TGFBR3: variants seen among roughly 807,000 people sequenced by gnomAD.
TGFBR3 encodes transforming growth factor beta receptor type 3.
A neutral mutation model predicts 87.9 loss-of-function variants in TGFBR3; 46 were observed. The ratio of observed to expected loss-of-function variants is 0.52; its 90% CI spans 0.41 to 0.67. TGFBR3 has a LOEUF of 0.67. Ranked by LOEUF, TGFBR3 falls within the 30% of genes least tolerant of loss-of-function variation. The pLI, the probability that TGFBR3 is intolerant of heterozygous loss-of-function variation, is 0.00. For missense variants in TGFBR3, 866 were observed against 1,041.9 expected (o/e 0.83, Z 2.32); for synonymous variants, 381 against 391.6 (o/e 0.97, Z 0.32).
chr1:91,852,007 T>A (rs1310303736), intron 2 of TGFBR3, among the ~76,000 whole-genome samples: 1 of 152,194 alleles, frequency 6.6e-6, no homozygotes, highest in Non-Finnish European at 1.5e-5. Context: ...CCTAGCACTT[T>A]GGGAGGCCAA....
intron 3 of TGFBR3, among the ~76,000 whole-genome samples, chr1:91,770,036 T>C (rs1045912517): frequency 1.3e-5 from 2 of 152,206 alleles, no homozygotes; most frequent in African/African-American, 4.8e-5. Flanking sequence ...TTATGAAAGA[T>C]GCGCATCAAG....
intron 2 of TGFBR3, among the ~76,000 whole-genome samples, chr1:91,799,507 A>G (rs1675522817): frequency 6.6e-6 from 1 of 152,140 alleles, no homozygotes; most frequent in Admixed American, 6.5e-5. Flanking sequence ...TATACTTCAC[A>G]CCCAGAGCTT....
At position 91,805,768 on chromosome 1, in the gene TGFBR3, T is replaced by C. The variant is rs17884569; in HGVS notation, c.62-8297A>G. On this transcript the variant is annotated intron_variant, in intron 2 of 16. Transcript: ENST00000212355. ...ACCACACCACTAGGGGCCACACATCTTGTACATGTTTCTGATTCTCACAAT... is the reference window on the plus strand; with the variant it reads ...ACCACACCACTAGGGGCCACACATCCTGTACATGTTTCTGATTCTCACAAT... 4.6e-5 allele frequency among the ~76,000 whole-genome samples: 7 copies of C among 152,350 alleles called. No homozygotes were observed. In the East Asian group the frequency reaches 1.4e-3, roughly 29 times the overall value.
chr1:91,684,730 C>T (rs765365037), intron 16 of TGFBR3, among the ~76,000 whole-genome samples: 9 of 152,202 alleles, frequency 5.9e-5, no homozygotes, highest in Non-Finnish European at 1.5e-5. Context: ...GCAAAACCGG[C>T]CTCAGTGCAA....
chr1:91,838,458 CTTT>C (rs539093148), intron 2 of TGFBR3, among the ~76,000 whole-genome samples: 12 of 125,242 alleles, frequency 9.6e-5, no homozygotes, highest in Admixed American at 2.4e-4. Context: ...TTGGAAATCT[CTTT>C]TTTTTTTTTT....
intron 16 of TGFBR3, among the ~76,000 whole-genome samples, chr1:91,694,631 C>G (rs1400660359): frequency 6.6e-6 from 1 of 152,186 alleles, no homozygotes; most frequent in Non-Finnish European, 1.5e-5. Flanking sequence ...TACTTCCTTC[C>G]TCTTTAAATC....
chr1:91,757,917 C>T (rs888884157), intron 4 of TGFBR3, among the ~76,000 whole-genome samples: 1 of 152,098 alleles, frequency 6.6e-6, no homozygotes, highest in Non-Finnish European at 1.5e-5. Context: ...CTGCAGCTCT[C>T]GTAATAGACA....
intron 14 of TGFBR3, among the ~76,000 whole-genome samples, chr1:91,698,543 C>T (rs4233430): frequency 0.18 from 23,544 of 132,446 alleles, 2,422 homozygotes; most frequent in East Asian, 0.41. Context: ...GAGGGTCTCA[C>T]TTTGTTGCTC....
At chr1:91,883,876 C>T (rs1474130085) in intron 1 of TGFBR3, among the ~76,000 whole-genome samples, 2 of 151,866 alleles carry the variant, frequency 1.3e-5, no homozygotes, top group South Asian at 4.1e-4. Context: ...CTTTAACTGA[C>T]ACAATGGCAT....
chr1:91,893,924 T>TAAA (rs34607132), intron 2 of TGFBR3, among the ~76,000 whole-genome samples: 80 of 143,032 alleles, frequency 5.6e-4, no homozygotes, highest in African/African-American at 1.9e-3. Context: ...AAAACTTCCT[T>TAAA]AAAAAAAAAA....
Position 91,766,857 on chromosome 1 carries a change from A to G in TGFBR3, c.247-8107T>C, listed in dbSNP as rs78545609. On this transcript the variant is annotated intron_variant, in intron 3 of 16. Coordinates refer to ENST00000212355, the MANE Select transcript of TGFBR3 (RefSeq NM_003243.5). ...GACACCAACCAGTTTAAAGACTCCC[A>G]CAAAGGAACCACCAAATCAGCATGA... Among the ~76,000 whole-genome samples the G allele has an allele frequency of 2.2e-3, 290 of 133,362 alleles. 58 individuals are homozygous for G. The highest frequency in any genetic ancestry group is 7.4e-3 in the African/African-American group (262 of 35,520). The allele number at this position is 133,362 out of a possible 152,430, so 87.5% of individuals were successfully genotyped here.
At position 91,734,832 on chromosome 1, in the gene TGFBR3, A is replaced by G. The variant is rs186259544; in HGVS notation, c.512T>C (p.Val171Ala). Residue 171 changes from valine to alanine, a missense_variant, in exon 5 of 17, where the codon GTT becomes GCT. Coordinates refer to ENST00000212355, the MANE Select transcript of TGFBR3 (RefSeq NM_003243.5). ...TATCTTGAGTTCGGTGAATGAAGTA[A>G]CTGCTCCATACTCTTTTCGGGCCCA... ...LNWARKEYGA[V>A]TSFTELKIAR... is the part of the protein sequence containing the mutation. The G allele has an allele frequency of 2.5e-5, 40 of 1,614,232 alleles. No individual in the cohort carries two copies. In the East Asian group the frequency reaches 8.9e-4, roughly 36 times the overall value.
chr1:91,717,017 T>C (rs900149960), intron 10 of TGFBR3, among the ~76,000 whole-genome samples: 3 of 152,214 alleles, frequency 2.0e-5, no homozygotes, highest in African/African-American at 7.2e-5. Context: ...GGGAAAACAC[T>C]AGATACTAGA....
intron 1 of TGFBR3, among the ~76,000 whole-genome samples, chr1:91,877,656 A>G (rs982417148): frequency 2.0e-5 from 3 of 152,352 alleles, no homozygotes; most frequent in East Asian, 1.9e-4. Context: ...ATAAATATGG[A>G]AAAATGTGAA....
Position 91,726,670 on chromosome 1 carries a change from C to T in TGFBR3, c.885+989G>A, listed in dbSNP as rs114402241. 2.3e-3 allele frequency among the ~76,000 whole-genome samples: 342 copies of T among 151,472 alleles called. 3 individuals are homozygous for T. The highest frequency in any genetic ancestry group is 7.9e-3 in the African/African-American group (328 of 41,276). ...GTTGGCTTTGCTCACTGTGGTATCA[C>T]ATGGAAGGTGCCATGAATGAATGAA... On this transcript the variant is annotated intron_variant, in intron 7 of 16. Coordinates refer to ENST00000212355, the MANE Select transcript of TGFBR3 (RefSeq NM_003243.5).
rs1374592892 is a variant in TGFBR3 at position 91,721,973 on chromosome 1, G to A, written c.1057C>T (p.Leu353Phe). Residue 353 changes from leucine (L) to phenylalanine (F), a missense_variant, in exon 8 of 17, where the codon CTT (leucine) becomes TTT (phenylalanine). Coordinates refer to ENST00000212355, the MANE Select transcript of TGFBR3 (RefSeq NM_003243.5). Reference protein sequence around the residue: ...TMAPVANRFHLRLENNAEEMG... With the variant: ...TMAPVANRFHFRLENNAEEMG... ...AACTTACCATTATTTTCAAGCCGAA[G>A]ATGAAATCTATTAGCCACAGGAGCC... 3.1e-6 allele frequency: 5 copies of A among 1,612,986 alleles called. No individual in the cohort carries two copies. Among genetic ancestry groups the A allele is most frequent in the Admixed American group, 3.3e-5 (2 of 59,932 alleles).
intron 2 of TGFBR3, among the ~76,000 whole-genome samples, chr1:91,897,419 T>C (rs544194062): frequency 1.3e-5 from 2 of 152,184 alleles, no homozygotes; most frequent in African/African-American, 4.8e-5. Context: ...ACAAGAAAAG[T>C]ATTATGTCCC....
upstream of TGFBR3, among the ~76,000 whole-genome samples, chr1:91,887,797 A>G (rs1679367253): frequency 6.6e-6 from 1 of 152,108 alleles, no homozygotes; most frequent in Middle Eastern, 3.2e-3. Flanking sequence ...TTCCTTACCA[A>G]TATTCATTGA....
intron 14 of TGFBR3, among the ~76,000 whole-genome samples, chr1:91,704,164 C>T (rs1200386824): frequency 6.6e-6 from 1 of 151,876 alleles, no homozygotes; most frequent in African/African-American, 2.4e-5. Context: ...CCCATCTCTA[C>T]TAAAAATACA....
Sources: allele counts gnomAD v4.1 joint callset (sites outside exome capture counted in the v4.1 genomes callset), GRCh38; gene constraint gnomAD v4.1.1; transcripts MANE v1.5; gene names NCBI Gene and HGNC (gene_info 2026-07-23, HGNC 2026-07-21).